PTPRT: variants seen among roughly 807,000 people sequenced by gnomAD.
PTPRT encodes the protein receptor-type tyrosine-protein phosphatase T.
In PTPRT, 56 loss-of-function variants were observed where a neutral mutation model predicts 176.8. The ratio of observed to expected loss-of-function variants is 0.32; its 90% confidence interval spans 0.26 to 0.40. The LOEUF (loss-of-function observed/expected upper bound fraction) is 0.40, where lower values mean the gene tolerates loss of function less well. PTPRT is among the 10% of genes least tolerant of loss of function. The pLI is 1.00. For missense variants in PTPRT, 1,540 were observed against 1,908.2 expected (o/e 0.81, Z 3.60); for synonymous variants, 783 against 739.0 (o/e 1.06, Z -0.96).
intron 9 of PTPRT, among the ~76,000 whole-genome samples, chr20:42,390,338 T>C (rs1036730023): frequency 2.0e-5 from 3 of 152,218 alleles, no homozygotes; most frequent in African/African-American, 7.2e-5. Context: ...AATTGATTGA[T>C]TAATTGATTA....
the PTPRT span, among the ~76,000 whole-genome samples, chr20:42,034,527 G>C: frequency 1.3e-3 from 195 of 152,226 alleles, 1 homozygote; most frequent in Admixed American, 0.012. Flanking sequence ...CCTAAAGATT[G>C]AGTCTCAGGC....
intron 1 of PTPRT, among the ~76,000 whole-genome samples, chr20:42,902,742 C>T (rs1414881749): frequency 2.0e-5 from 3 of 152,172 alleles, no homozygotes; most frequent in African/African-American, 7.2e-5. Flanking sequence ...GGCTGCACAG[C>T]TTATAAAGGA....
At chr20:42,236,190 C>A (rs2056238204) in intron 15 of PTPRT, 39 bp downstream of exon 15, 3 of 1,544,842 alleles carry the variant, frequency 1.9e-6, no homozygotes, top group South Asian at 1.1e-5. Flanking sequence ...GGTTCCCTTA[C>A]AGGGCACGAA....
At chr20:42,044,737 C>T in the PTPRT span, among the ~76,000 whole-genome samples, 2 of 152,218 alleles carry the variant, frequency 1.3e-5, no homozygotes, top group Admixed American at 1.3e-4. Flanking sequence ...CTTTCGTCTC[C>T]CACTGCTGCT....
At chr20:42,334,717 C>T (rs1407879965) in intron 11 of PTPRT, among the ~76,000 whole-genome samples, 2 of 152,194 alleles carry the variant, frequency 1.3e-5, no homozygotes. Flanking sequence ...CAGGAATCAG[C>T]ATTAAACTTG....
intron 7 of PTPRT, among the ~76,000 whole-genome samples, chr20:42,481,014 G>A (rs2071374727): frequency 6.7e-6 from 1 of 149,828 alleles, no homozygotes; most frequent in South Asian, 2.1e-4. Flanking sequence ...CTCTAAGGCA[G>A]AAGTAGGTGA....
At chr20:42,925,923 C>T (rs531584052) in intron 1 of PTPRT, among the ~76,000 whole-genome samples, 4 of 152,294 alleles carry the variant, frequency 2.6e-5, no homozygotes, top group Admixed American at 6.5e-5. Flanking sequence ...TGCAGATTTC[C>T]GACCCCAGAC....
intron 1 of PTPRT, among the ~76,000 whole-genome samples, chr20:43,049,427 A>G (rs952186975): frequency 2.6e-5 from 4 of 152,218 alleles, no homozygotes; most frequent in African/African-American, 4.8e-5. Flanking sequence ...ACATCTGAAA[A>G]ATACTATCTT....
At position 42,220,055 on chromosome 20, in the gene PTPRT, T is replaced by G. The variant is rs6030057; in HGVS notation, c.2342+16174A>C. Among the ~76,000 whole-genome samples, 58 of 148,014 alleles carry G rather than the reference T, an allele frequency of 3.9e-4. 1 individual carries two copies. In the South Asian group the frequency reaches 7.0e-3, roughly 18 times the overall value. On this transcript the variant is annotated intron_variant, in intron 15 of 30. Coordinates refer to ENST00000373187, the MANE Select transcript of PTPRT (RefSeq NM_007050.6). ...AAAAAAGTTATATATATATATATTT[T>G]TCAACATATAAAAATCGGTTTCACT...
At chr20:42,641,680 A>G (rs2074756714) in intron 7 of PTPRT, among the ~76,000 whole-genome samples, 1 of 152,136 alleles carries the variant, frequency 6.6e-6, no homozygotes, top group South Asian at 2.1e-4. Flanking sequence ...AATGGCTTGG[A>G]TGAGCCATTT....
At chr20:42,950,596 G>A (rs1196753162) in intron 1 of PTPRT, among the ~76,000 whole-genome samples, 1 of 152,150 alleles carries the variant, frequency 6.6e-6, no homozygotes, top group African/African-American at 2.4e-5. Context: ...GTGTTCTGGG[G>A]TGGTAACCAA....
chr20:42,269,752 A>G (rs994705682), intron 13 of PTPRT, among the ~76,000 whole-genome samples: 1 of 152,218 alleles, frequency 6.6e-6, no homozygotes, highest in Admixed American at 6.5e-5. Flanking sequence ...ACGGTCTACA[A>G]CGTAAATGGT....
At chr20:42,279,355 G>A (rs1258449524) in intron 13 of PTPRT, among the ~76,000 whole-genome samples, 2 of 152,026 alleles carry the variant, frequency 1.3e-5, no homozygotes, top group Non-Finnish European at 2.9e-5. Context: ...GTGATGGTAA[G>A]GCAGTGATCA....
At chr20:42,843,067 C>T (rs368484413) in intron 2 of PTPRT, among the ~76,000 whole-genome samples, 4 of 152,254 alleles carry the variant, frequency 2.6e-5, no homozygotes, top group South Asian at 4.1e-4. Context: ...AATTCACTTC[C>T]GGGATCCCTA....
At chr20:43,127,422 C>CA (rs35897839) in intron 1 of PTPRT, among the ~76,000 whole-genome samples, 13,141 of 101,116 alleles carry the variant, frequency 0.13, 985 homozygotes, top group East Asian at 0.35. Flanking sequence ...GACTCCATCT[C>CA]AAAAAAAAAA....
At chr20:42,158,084 C>T (rs1049544113) in intron 17 of PTPRT, among the ~76,000 whole-genome samples, 3 of 152,220 alleles carry the variant, frequency 2.0e-5, no homozygotes, top group Non-Finnish European at 4.4e-5. Flanking sequence ...CCCTGTTGTA[C>T]CCTGCACAGA....
intron 7 of PTPRT, among the ~76,000 whole-genome samples, chr20:42,595,675 G>A (rs6030350): frequency 0.36 from 54,523 of 151,956 alleles, 11,052 homozygotes; most frequent in African/African-American, 0.55. Context: ...TCCATTACAG[G>A]CTGTGGGCAG....
rs192449657 is a variant in PTPRT at position 42,535,761 on chromosome 20, G to C, written c.1154-63199C>G. Among the ~76,000 whole-genome samples, 208 of 152,242 alleles carry C rather than the reference G, an allele frequency of 1.4e-3. 1 individual carries two copies. The highest frequency in any genetic ancestry group is 2.8e-3 in the Admixed American group (43 of 15,292). On this transcript the variant is annotated intron_variant, in intron 7 of 30. Coordinates refer to ENST00000373187, the MANE Select transcript of PTPRT (RefSeq NM_007050.6). ...ATAGGGCCCTGTATAAAGAGGTTGA[G>C]TGCACTTATCTGGGGTCCCTGTGGC...
At chr20:42,341,392 G>A (rs1341871575) in intron 11 of PTPRT, among the ~76,000 whole-genome samples, 1 of 151,996 alleles carries the variant, frequency 6.6e-6, no homozygotes, top group East Asian at 1.9e-4. Flanking sequence ...TACTACAAGA[G>A]CTTCTTGAAG....
Sources: gnomAD v4.1 joint callset for allele counts (sites outside exome capture counted in the v4.1 genomes callset) on GRCh38, gnomAD v4.1.1 for gene constraint, MANE v1.5 for transcripts, NCBI Gene and HGNC (gene_info 2026-07-23, HGNC 2026-07-21) for gene names.